The following PDE4D variants were observed in gnomAD, a reference collection of about 807,000 sequenced individuals.
PDE4D encodes 3',5'-cyclic-AMP phosphodiesterase 4D.
Under a neutral mutation model 87.4 loss-of-function variants are expected in PDE4D, and 24 were observed. The ratio of observed to expected loss-of-function variants is 0.27; its 90% CI spans 0.20 to 0.39. The LOEUF is 0.39. Among genes scored for constraint, PDE4D ranks in the 10% least tolerant of loss-of-function variants. The pLI is 1.00. For missense variants in PDE4D, 714 were observed against 1,041.0 expected, an observed-to-expected ratio of 0.69 and a Z score of 4.32; for synonymous variants, 384 against 383.2, an observed-to-expected ratio of 1.00 and a Z score of -0.02.
chr5:60,477,739 T>G (rs560631446), intron 1 of PDE4D, among the ~76,000 whole-genome samples: 1 of 152,292 alleles, frequency 6.6e-6, no homozygotes, highest in South Asian at 2.1e-4. Context: ...CCAACTACCA[T>G]TTTACACAAC....
chr5:59,541,439 A>G (rs1816332928), intron 1 of PDE4D, among the ~76,000 whole-genome samples: 1 of 152,234 alleles, frequency 6.6e-6, no homozygotes. Flanking sequence ...AACTTCTGGC[A>G]AATGTTCAAA....
chr5:60,432,112 G>GGAGAGGGAGAGT (rs1387449619), intron 1 of PDE4D, among the ~76,000 whole-genome samples: 8 of 152,122 alleles, frequency 5.3e-5, no homozygotes, highest in African/African-American at 1.9e-4. Flanking sequence ...AGAGGGAGAG[G>GGAGAGGGAGAGT]GAGAGGGGAT....
At chr5:60,039,137 T>C (rs10461443) in intron 2 of PDE4D, among the ~76,000 whole-genome samples, 46,186 of 150,046 alleles carry the variant, frequency 0.31, 7,628 homozygotes, top group East Asian at 0.74. Context: ...CACATGCACA[T>C]GTATGTTTAT....
intron 1 of PDE4D, among the ~76,000 whole-genome samples, chr5:60,303,271 C>T (rs1273008116): frequency 1.3e-5 from 2 of 150,336 alleles, no homozygotes; most frequent in Non-Finnish European, 3.0e-5. Context: ...GCAGGTTGTT[C>T]AATTGCCATG....
intron 1 of PDE4D, among the ~76,000 whole-genome samples, chr5:59,865,384 T>A (rs1211022550): frequency 6.6e-6 from 1 of 152,212 alleles, no homozygotes; most frequent in East Asian, 1.9e-4. Context: ...AATTTAGATT[T>A]TCAGGATTAA....
chr5:58,978,269 CTG>C (rs1215724834), intron 11 of PDE4D, among the ~76,000 whole-genome samples: 1 of 108,784 alleles, frequency 9.2e-6, no homozygotes, highest in East Asian at 2.8e-4. Flanking sequence ...AAAAAATTAT[CTG>C]GGGATGGTAG....
At chr5:60,462,195 C>T (rs148650344) in intron 1 of PDE4D, among the ~76,000 whole-genome samples, 25 of 152,274 alleles carry the variant, frequency 1.6e-4, no homozygotes, top group Admixed American at 3.3e-4. Context: ...GTACTCATGA[C>T]CCTTGAATTT....
chr5:59,549,508 T>C (rs1178067489), intron 1 of PDE4D, among the ~76,000 whole-genome samples: 1 of 152,194 alleles, frequency 6.6e-6, no homozygotes, highest in East Asian at 1.9e-4. Flanking sequence ...TCTCTTATAG[T>C]TTCTCAATGT....
At chr5:60,325,106 T>TA (rs1405966316) in intron 1 of PDE4D, among the ~76,000 whole-genome samples, 1 of 152,188 alleles carries the variant, frequency 6.6e-6, no homozygotes, top group Admixed American at 6.5e-5. Flanking sequence ...TTCTAAGCCT[T>TA]AAAAACAAAC....
chr5:59,080,430 G>A (rs1210336366), intron 5 of PDE4D, among the ~76,000 whole-genome samples: 1 of 152,126 alleles, frequency 6.6e-6, no homozygotes, highest in Non-Finnish European at 1.5e-5. Flanking sequence ...CTTAAAACTG[G>A]CTGCAAAATG....
chr5:59,301,671 G>A (rs960995621), intron 1 of PDE4D, among the ~76,000 whole-genome samples: 10 of 152,156 alleles, frequency 6.6e-5, no homozygotes, highest in African/African-American at 2.4e-4. Context: ...TGGTTTGAAG[G>A]GAAAGTGGGG....
intron 1 of PDE4D, among the ~76,000 whole-genome samples, chr5:59,507,679 A>AGAAAG (rs1554198805): frequency 6.7e-5 from 8 of 118,714 alleles, no homozygotes; most frequent in African/African-American, 2.8e-4. Flanking sequence ...AAAAAAAAAA[A>AGAAAG]AAAAGAAAAG....
chr5:60,505,021 T>C (rs1322297526), intron 1 of PDE4D, among the ~76,000 whole-genome samples: 1 of 152,208 alleles, frequency 6.6e-6, no homozygotes, highest in East Asian at 1.9e-4. Flanking sequence ...TGAACATAAA[T>C]CTTACATTTG....
chr5:59,973,148 T>C (rs1203605131), intron 3 of PDE4D, among the ~76,000 whole-genome samples: 1 of 152,218 alleles, frequency 6.6e-6, no homozygotes. Flanking sequence ...GTGTCTGTCA[T>C]ATACTAAGAC....
At chr5:60,394,286 G>C (rs896890294) in intron 1 of PDE4D, among the ~76,000 whole-genome samples, 3 of 152,188 alleles carry the variant, frequency 2.0e-5, no homozygotes, top group East Asian at 1.9e-4. Context: ...CTGCTTTCAA[G>C]AATATGTAAA....
chr5:60,162,656 T>C (rs1226558892), intron 2 of PDE4D, among the ~76,000 whole-genome samples: 1 of 152,052 alleles, frequency 6.6e-6, no homozygotes, highest in Non-Finnish European at 1.5e-5. Context: ...TTCCCAGAGA[T>C]ACTGAATCAA....
intron 1 of PDE4D, among the ~76,000 whole-genome samples, chr5:60,229,129 G>GC (rs951022282): frequency 3.3e-5 from 5 of 152,064 alleles, no homozygotes; most frequent in Non-Finnish European, 5.9e-5. Context: ...AAGAAGCCAA[G>GC]CATTGGAAAG....
intron 5 of PDE4D, among the ~76,000 whole-genome samples, chr5:59,051,155 T>A (rs1761488180): frequency 6.6e-6 from 1 of 152,204 alleles, no homozygotes; most frequent in South Asian, 2.1e-4. Flanking sequence ...GCAGATCACT[T>A]GAGGCCAGGA....
rs563794142 is a variant in PDE4D, at chr5:60,221,433, CTT to C, written c.-89-35748_-89-35747del. 2.0e-3 allele frequency among the ~76,000 whole-genome samples: 301 copies of C among 152,188 alleles called. 3 individuals carry two copies. Among genetic ancestry groups the C allele is most frequent in the African/African-American group, 6.9e-3 (287 of 41,552 alleles). Reference sequence around the variant, plus strand: ...TTTTCCCTTCTGTATTAATTTCTCTCTTATCAATTATATGGCTTATTTGTCTT... The same window carrying C: ...TTTTCCCTTCTGTATTAATTTCTCTCATCAATTATATGGCTTATTTGTCTT... On this transcript the variant is annotated intron_variant, in intron 1 of 16. Transcript: ENST00000502484.
Sources: allele counts gnomAD v4.1 joint callset (sites outside exome capture counted in the v4.1 genomes callset), GRCh38; gene constraint gnomAD v4.1.1; transcripts MANE v1.5; gene names NCBI Gene and HGNC (gene_info 2026-07-23, HGNC 2026-07-21).